The following ZNF292 variants were observed in gnomAD, a reference collection of about 807,000 sequenced individuals.
The protein encoded by ZNF292 is zinc finger protein 292, also known as 16 zinc-finger domain protein.
Under a neutral mutation model 217.9 loss-of-function variants are expected in ZNF292, and 26 were observed. The observed-to-expected ratio is 0.12, with a 90% CI of 0.09 to 0.17. ZNF292 has a LOEUF of 0.17. ZNF292 is among the 10% of genes least tolerant of loss of function. ZNF292 has a pLI of 1.00. For synonymous variants in ZNF292, 1,257 were observed against 1,124.1 expected, an observed-to-expected ratio of 1.12 and a Z score of -2.37; for missense variants, 2,904 against 3,175.2, an observed-to-expected ratio of 0.91 and a Z score of 2.05.
chr6:87,211,281 T>G (rs148687877), intron 1 of ZNF292, among the ~76,000 whole-genome samples: 12 of 152,332 alleles, frequency 7.9e-5, no homozygotes, highest in Admixed American at 7.8e-4. Context: ...CTTTTAAACT[T>G]CAACCTAGTG....
chr6:87,167,222 G>A (rs532737378), intron 1 of ZNF292, among the ~76,000 whole-genome samples: 1 of 152,162 alleles, frequency 6.6e-6, no homozygotes, highest in Non-Finnish European at 1.5e-5. Flanking sequence ...TGTACTATTG[G>A]TATAGGAAAA....
intron 1 of ZNF292, among the ~76,000 whole-genome samples, chr6:87,168,689 C>T (rs565518381): frequency 1.3e-5 from 2 of 152,232 alleles, no homozygotes; most frequent in East Asian, 3.9e-4. Flanking sequence ...AGGCTGGTCC[C>T]GAACTCCTGA....
At position 87,262,564 on chromosome 6, in the gene ZNF292, A is replaced by G. The variant is rs962191810; in HGVS notation, c.*763A>G. ...TATAGTTACTATGAGTCCATGAAAT[A>G]CAATGGAAATGTGAATAAAGAATTT... On this transcript the variant is annotated 3_prime_UTR_variant, in exon 8 of 8. Transcript: ENST00000369577. The G allele has an allele frequency of 7.9e-5, 12 of 151,816 alleles. No individual in the cohort carries two copies. Among genetic ancestry groups the G allele is most frequent in the Non-Finnish European group, 1.6e-4 (11 of 67,852 alleles). The allele number at this position is 151,816 out of a possible 1,614,324, so 9.4% of individuals were successfully genotyped here.
Position 87,264,561 on chromosome 6 carries a change from A to G in ZNF292, c.*2760A>G, listed in dbSNP as rs1028447012. ...GGAAAAGGAGGTAGGTAGTTGGGAA[A>G]GTCTTTGTAGAAAATATGAGTTTTG... On this transcript the variant is annotated 3_prime_UTR_variant, in exon 8 of 8. Transcript: ENST00000369577. 6.6e-6 allele frequency among the ~76,000 whole-genome samples: 1 copy of G among 152,198 alleles called. No homozygotes were observed. Among genetic ancestry groups the G allele is most frequent in the Admixed American group, 6.5e-5 (1 of 15,272 alleles).
chr6:87,195,131 C>T (rs1771917753), intron 1 of ZNF292, among the ~76,000 whole-genome samples: 1 of 152,094 alleles, frequency 6.6e-6, no homozygotes, highest in Non-Finnish European at 1.5e-5. Context: ...AGATAGGCAT[C>T]CCTGTTAGTA....
At chr6:87,176,077 G>T (rs935562220) in intron 1 of ZNF292, among the ~76,000 whole-genome samples, 1 of 152,156 alleles carries the variant, frequency 6.6e-6, no homozygotes, top group African/African-American at 2.4e-5. Context: ...GTGGTGGGGG[G>T]GGCTTTCCCT....
intron 5 of ZNF292, among the ~76,000 whole-genome samples, chr6:87,241,151 G>T (rs1357846118): frequency 6.6e-6 from 1 of 152,144 alleles, no homozygotes; most frequent in Non-Finnish European, 1.5e-5. Flanking sequence ...GGGCGTGGTG[G>T]CACGCACCTG....
At chr6:87,162,638 TTA>T (rs1246311293) in intron 1 of ZNF292, among the ~76,000 whole-genome samples, 1 of 152,224 alleles carries the variant, frequency 6.6e-6, no homozygotes, top group Non-Finnish European at 1.5e-5. Context: ...CAGAGTATGC[TTA>T]TATCAATTTC....
chr6:87,247,851 G>A (rs1774683270), intron 7 of ZNF292, among the ~76,000 whole-genome samples: 1 of 152,104 alleles, frequency 6.6e-6, no homozygotes, highest in Admixed American at 6.5e-5. Context: ...AAATGACCAA[G>A]CAGATCGTAA....
At position 87,257,877 on chromosome 6, in the gene ZNF292, T is replaced by A. The variant is rs771835954; in HGVS notation, c.4248T>A (p.Asn1416Lys). ...TTGCTCAAGAACTTCTACAGAGTAA[T>A]GGACAGCCTTCTCTTCTTGCCAGCA... ...AEIAQELLQS[N>K]GQPSLLASMI... The change falls in exon 8 of 8, where the codon AAT (asparagine) becomes AAA (lysine). Residue 1416 changes from asparagine (N) to lysine (K), a missense_variant. Asn to Lys is a moderately conservative substitution (Grantham distance 94). Transcript: ENST00000369577. 6.2e-7 allele frequency: 1 copy of A among 1,613,912 alleles called. No homozygotes were observed. Among genetic ancestry groups the A allele is most frequent in the Non-Finnish European group, 8.5e-7 (1 of 1,179,822 alleles).
intron 4 of ZNF292, among the ~76,000 whole-genome samples, chr6:87,225,491 A>C (rs966218822): frequency 6.6e-6 from 1 of 152,114 alleles, no homozygotes; most frequent in African/African-American, 2.4e-5. Flanking sequence ...GAAATTTTAT[A>C]GTTTCACATT....
Position 87,256,537 on chromosome 6 carries a change from T to A in ZNF292, c.2908T>A (p.Leu970Ile). Reference sequence around the variant, plus strand: ...CAGTGGTGAAGCACTGGTCACAGACTTACATACGCCAGTTGAAGATACTTG... The same window carrying A: ...CAGTGGTGAAGCACTGGTCACAGACATACATACGCCAGTTGAAGATACTTG... ...EGSGEALVTD[L>I]HTPVEDTCND... Residue 970 changes from leucine to isoleucine, a missense_variant, in exon 8 of 8, where the codon TTA becomes ATA. By Grantham distance (5) the Leu-to-Ile change is conservative. Coordinates refer to ENST00000369577, the MANE Select transcript of ZNF292 (RefSeq NM_015021.3). 6.2e-7 allele frequency: 1 copy of A among 1,613,396 alleles called. No individual in the cohort carries two copies. Among genetic ancestry groups the A allele is most frequent in the South Asian group, 1.1e-5 (1 of 91,090 alleles).
chr6:87,160,922 A>G (rs144979447), intron 1 of ZNF292, among the ~76,000 whole-genome samples: 2 of 152,132 alleles, frequency 1.3e-5, no homozygotes, highest in Non-Finnish European at 2.9e-5. Flanking sequence ...TCCTCTAAGT[A>G]CCCTTTTCAG....
chr6:87,261,420 G>A lies in ZNF292; in HGVS notation c.7791G>A (p.Lys2597=). 1 of 1,610,510 alleles carries A rather than the reference G, an allele frequency of 6.2e-7. No homozygotes were observed. Among genetic ancestry groups the A allele is most frequent in the Non-Finnish European group, 8.5e-7 (1 of 1,178,188 alleles). Residue 2597 remains lysine (K), a synonymous_variant, in exon 8 of 8, where the codon AAG becomes AAA. Coordinates refer to ENST00000369577, the MANE Select transcript of ZNF292 (RefSeq NM_015021.3). ...KPMGFEVSFL[K]FLEESAVKQK... ...TGGGATTTGAAGTATCATTTCTGAA[G>A]TTTCTTGAGGAGTCTGCAGTGAAGC... is the stretch of plus-strand genomic sequence containing the variant.
rs1775560608 is a variant in ZNF292 at position 87,261,050 on chromosome 6, A to T, written c.7421A>T (p.Glu2474Val). The T allele has an allele frequency of 6.2e-7, 1 of 1,602,974 alleles. No individual in the cohort carries two copies. The highest frequency in any genetic ancestry group is 8.5e-7 in the Non-Finnish European group (1 of 1,174,302). ...TTATVSQKEVEKNEKDEMDEL... is the reference protein window; with the variant it reads ...TTATVSQKEVVKNEKDEMDEL... ...GCTACAGTTTCACAAAAGGAAGTTG[A>T]AAAAAATGAAAAAGATGAAATGGAT... is the stretch of plus-strand genomic sequence containing the variant. The change falls in exon 8 of 8, where the codon GAA becomes GTA. Residue 2474 changes from glutamate to valine, a missense_variant. By Grantham distance (121) the Glu-to-Val change is moderately radical. Transcript: ENST00000369577.
At chr6:87,252,912 A>T (rs1279220434) in intron 7 of ZNF292, among the ~76,000 whole-genome samples, 2 of 150,864 alleles carry the variant, frequency 1.3e-5, no homozygotes, top group South Asian at 2.1e-4. Context: ...TTATTTTTTT[A>T]TTATTATTTT....
At chr6:87,202,713 T>G (rs1772130708) in intron 1 of ZNF292, among the ~76,000 whole-genome samples, 1 of 152,164 alleles carries the variant, frequency 6.6e-6, no homozygotes, top group Admixed American at 6.5e-5. Flanking sequence ...TTACCTCAAG[T>G]TGCATTTTGA....
intron 4 of ZNF292, among the ~76,000 whole-genome samples, chr6:87,219,853 A>T (rs1278571445): frequency 6.6e-6 from 1 of 152,170 alleles, no homozygotes; most frequent in Admixed American, 6.5e-5. Context: ...ATTGAGACAG[A>T]GTCTTGCCCT....
chr6:87,261,242 A>G lies in ZNF292; in HGVS notation c.7613A>G (p.Asn2538Ser). The G allele has an allele frequency of 1.2e-6, 2 of 1,610,400 alleles. No homozygotes were observed. Among genetic ancestry groups the G allele is most frequent in the Non-Finnish European group, 1.7e-6 (2 of 1,178,946 alleles). ...TTGAAGAGAGTTAATAAGGAAAAAA[A>G]TGTCTCACAAAATAAAAAAAGGAAA... ...SNLKRVNKEK[N>S]VSQNKKRKVE... Residue 2538 changes from asparagine to serine, a missense_variant, in exon 8 of 8, where the codon AAT becomes AGT. By Grantham distance (46) the Asn-to-Ser change is conservative. Around this residue, in one of 15 missense-constraint regions of ZNF292, gnomAD observed 380 missense variants for 355.3 expected, o/e 1.07. Coordinates refer to ENST00000369577, the MANE Select transcript of ZNF292 (RefSeq NM_015021.3).
Sources: gnomAD v4.1 joint callset for allele counts (sites outside exome capture counted in the v4.1 genomes callset) on GRCh38, gnomAD v4.1.1 for gene constraint, gnomAD v4.1.1 regional missense constraint, MANE v1.5 for transcripts, NCBI Gene and HGNC (gene_info 2026-07-23, HGNC 2026-07-21) for gene names.